Variants in DIAPH2 observed in about 807,000 individuals in gnomAD.
DIAPH2 encodes diaphanous related formin 2.
DIAPH2 carries 35 observed loss-of-function variants against 92.7 expected under a neutral mutation model. The ratio of observed to expected loss-of-function variants is 0.38; its 90% CI spans 0.29 to 0.50. The LOEUF is 0.50. Among genes scored for constraint, DIAPH2 ranks in the 20% least tolerant of loss-of-function variants. The pLI is 0.94. For synonymous variants in DIAPH2, 301 were observed against 280.4 expected (o/e 1.07, Z -0.73); for missense variants, 701 against 819.5 (o/e 0.86, Z 1.77).
At chrX:96,768,977 T>C (rs2064321204) in intron 4 of DIAPH2, among the ~76,000 whole-genome samples, 1 of 111,204 alleles carries the variant, frequency 9.0e-6, no homozygotes, top group Non-Finnish European at 1.9e-5. Context: ...AAGGTGTATT[T>C]GGGGAAGAGA....
At chrX:96,900,935 C>T (rs775501034) in intron 5 of DIAPH2, among the ~76,000 whole-genome samples, 3 of 111,333 alleles carry the variant, frequency 2.7e-5, no homozygotes, top group Non-Finnish European at 5.7e-5. Flanking sequence ...TTTTTTGTTA[C>T]GTCCTTTCCT....
At chrX:96,806,298 T>C (rs2064623941) in intron 4 of DIAPH2, among the ~76,000 whole-genome samples, 1 of 111,640 alleles carries the variant, frequency 9.0e-6, no homozygotes, top group Admixed American at 9.5e-5. Context: ...ATTTCACCAC[T>C]GATGCTGAAA....
At chrX:97,561,083 A>G (rs1259056437) in intron 26 of DIAPH2, among the ~76,000 whole-genome samples, 3 of 111,996 alleles carry the variant, frequency 2.7e-5, no homozygotes, top group African/African-American at 9.7e-5. Flanking sequence ...GTTATTGGAT[A>G]TCGCTTTGAC....
Position 97,106,983 on chromosome X carries a change from A to C in DIAPH2, c.2349+7188A>C, listed in dbSNP as rs181155352. ...TCTTGGCCTCAAACATGTTTTCAGAAAGGTGTTTTAAAATTCTTGCCTAAC... is the reference window on the plus strand; with the variant it reads ...TCTTGGCCTCAAACATGTTTTCAGACAGGTGTTTTAAAATTCTTGCCTAAC... On this transcript the variant is annotated intron_variant, in intron 20 of 26. Transcript: ENST00000324765. Among the ~76,000 whole-genome samples the C allele has an allele frequency of 4.5e-3, 498 of 111,646 alleles. 5 individuals carry two copies. The highest frequency in any genetic ancestry group is 0.016 in the African/African-American group (487 of 30,762).
At chrX:97,590,111 G>A (rs972919690) in intron 26 of DIAPH2, among the ~76,000 whole-genome samples, 2 of 112,148 alleles carry the variant, frequency 1.8e-5, no homozygotes, top group Admixed American at 1.9e-4. Flanking sequence ...CTCTTGCATT[G>A]TAAGCTGTAG....
chrX:97,434,557 C>T (rs1239489252), intron 26 of DIAPH2, among the ~76,000 whole-genome samples: 4 of 101,718 alleles, frequency 3.9e-5, no homozygotes, highest in East Asian at 6.6e-4. Flanking sequence ...TACAGGCACA[C>T]GCCACCGCAC....
At chrX:97,112,929 C>T (rs1384841415) in intron 20 of DIAPH2, among the ~76,000 whole-genome samples, 1 of 107,775 alleles carries the variant, frequency 9.3e-6, no homozygotes. Context: ...AGGCACTGTG[C>T]CACCACCACC....
At chrX:97,409,884 CG>C (rs1180715088) in intron 25 of DIAPH2, among the ~76,000 whole-genome samples, 1 of 112,597 alleles carries the variant, frequency 8.9e-6, no homozygotes, top group Non-Finnish European at 1.9e-5. Flanking sequence ...TCGAACTGGG[CG>C]GAGCCCACCT....
At chrX:97,030,806 T>G (rs1412367825) in intron 17 of DIAPH2, among the ~76,000 whole-genome samples, 1 of 111,747 alleles carries the variant, frequency 8.9e-6, no homozygotes, top group African/African-American at 3.3e-5. Context: ...CAGTGAAATG[T>G]TTTTCATGGC....
intron 22 of DIAPH2, among the ~76,000 whole-genome samples, chrX:97,166,303 C>A (rs913435240): frequency 9.0e-6 from 1 of 111,168 alleles, no homozygotes; most frequent in Admixed American, 9.6e-5. Context: ...AATATATACT[C>A]CTGTTGATTA....
chrX:97,375,083 A>T (rs2069486011), intron 24 of DIAPH2, among the ~76,000 whole-genome samples: 1 of 112,214 alleles, frequency 8.9e-6, no homozygotes, highest in Admixed American at 9.5e-5. Context: ...GCTACAAATC[A>T]GGTAGAGGTA....
intron 26 of DIAPH2, among the ~76,000 whole-genome samples, chrX:97,488,241 C>T (rs1195970660): frequency 3.6e-5 from 4 of 112,117 alleles, no homozygotes; most frequent in Non-Finnish European, 7.5e-5. Context: ...GATCTGCCTG[C>T]CTCGGCCTCC....
At chrX:96,763,397 T>C (rs2064281226) in intron 4 of DIAPH2, among the ~76,000 whole-genome samples, 1 of 111,604 alleles carries the variant, frequency 9.0e-6, no homozygotes, top group African/African-American at 3.2e-5. Context: ...TGTCAGTCTT[T>C]ATGATTCTGA....
At chrX:96,932,746 C>A (rs2065627420) in intron 10 of DIAPH2, among the ~76,000 whole-genome samples, 1 of 110,682 alleles carries the variant, frequency 9.0e-6, no homozygotes, top group Non-Finnish European at 1.9e-5. Context: ...ATTGGGATAT[C>A]CATCACTTCA....
At chrX:97,200,396 T>G (rs1047439016) in intron 22 of DIAPH2, among the ~76,000 whole-genome samples, 1 of 19,595 alleles carries the variant, frequency 5.1e-5, no homozygotes, top group African/African-American at 1.6e-4. Context: ...GTGGTCTCGC[T>G]CAGCAGGTCC....
At chrX:97,227,947 T>C (rs1187141250) in intron 22 of DIAPH2, among the ~76,000 whole-genome samples, 1 of 111,429 alleles carries the variant, frequency 9.0e-6, no homozygotes, top group Non-Finnish European at 1.9e-5. Flanking sequence ...GTCACCCAGG[T>C]TGGAGTGCAG....
intron 22 of DIAPH2, among the ~76,000 whole-genome samples, chrX:97,176,239 C>G (rs369980185): frequency 8.9e-6 from 1 of 112,217 alleles, no homozygotes; most frequent in East Asian, 2.8e-4. Flanking sequence ...TTACAGATAA[C>G]ATTGAACAAT....
intron 19 of DIAPH2, among the ~76,000 whole-genome samples, chrX:97,091,857 G>A (rs1339048625): frequency 1.8e-5 from 2 of 111,436 alleles, no homozygotes; most frequent in Admixed American, 9.5e-5. Flanking sequence ...TTTACAACTA[G>A]GTAGTTTAAA....
chrX:97,515,279 GC>G (rs1392467739), intron 26 of DIAPH2, among the ~76,000 whole-genome samples: 10 of 112,450 alleles, frequency 8.9e-5, no homozygotes, highest in African/African-American at 3.2e-4. Context: ...TTTTCCAGGT[GC>G]CGTCCGTCAC....
Sources: gnomAD v4.1 joint callset for allele counts (sites outside exome capture counted in the v4.1 genomes callset) on GRCh38, gnomAD v4.1.1 for gene constraint, MANE v1.5 for transcripts, NCBI Gene and HGNC (gene_info 2026-07-23, HGNC 2026-07-21) for gene names.